Variants in SORL1 observed in about 807,000 individuals in gnomAD.
SORL1 encodes the protein sortilin related receptor 1, also known as sortilin-related receptor.
In SORL1, 127 loss-of-function variants were observed where a neutral mutation model predicts 273.7. That is an observed-to-expected ratio of 0.46 (90% CI 0.40 to 0.54). The LOEUF is 0.54. SORL1 is among the 20% of genes least tolerant of loss of function. The pLI, the probability that SORL1 is intolerant of heterozygous loss-of-function variation, is 0.00. For synonymous variants in SORL1, 1,031 were observed against 1,067.4 expected (o/e 0.97, Z 0.66); for missense variants, 2,494 against 2,846.1 (o/e 0.88, Z 2.81).
At chr11:121,456,223 T>C (rs1214103826) in intron 1 of SORL1, among the ~76,000 whole-genome samples, 1 of 152,174 alleles carries the variant, frequency 6.6e-6, no homozygotes, top group Non-Finnish European at 1.5e-5. Context: ...AAGGAATACC[T>C]CTTGGTATTC....
At chr11:121,620,900 G>C (rs1001952358) in intron 43 of SORL1, among the ~76,000 whole-genome samples, 164 bp from the exon 44 acceptor site, 1 of 152,192 alleles carries the variant, frequency 6.6e-6, no homozygotes, top group African/African-American at 2.4e-5. Flanking sequence ...ATTGGATCTG[G>C]TCACTCCAAA....
intron 19 of SORL1, 114 bp from the exon 20 acceptor site, chr11:121,558,477 T>A: frequency 9.1e-7 from 1 of 1,097,072 alleles, no homozygotes; most frequent in Non-Finnish European, 1.3e-6. Flanking sequence ...ATAATAATGC[T>A]GAAATAACCA....
At chr11:121,480,485 G>A (rs997431974) in intron 3 of SORL1, among the ~76,000 whole-genome samples, 2 of 152,050 alleles carry the variant, frequency 1.3e-5, no homozygotes, top group Admixed American at 6.5e-5. Flanking sequence ...CTCTTGCGGA[G>A]GTTGTGGCCT....
intron 19 of SORL1, 89 bp downstream of exon 19, chr11:121,557,494 C>G: frequency 9.9e-7 from 1 of 1,008,580 alleles, no homozygotes. Flanking sequence ...GACAAAAACT[C>G]TGTTTCTCAT....
intron 3 of SORL1, among the ~76,000 whole-genome samples, chr11:121,485,603 C>G (rs768151287): frequency 6.6e-6 from 1 of 152,136 alleles, no homozygotes; most frequent in African/African-American, 2.4e-5. Context: ...CATTCTATGA[C>G]GGGGTGCGTG....
intron 11 of SORL1, among the ~76,000 whole-genome samples, chr11:121,529,868 T>A (rs1178623645): frequency 6.6e-6 from 1 of 152,246 alleles, no homozygotes; most frequent in Non-Finnish European, 1.5e-5. Context: ...TCATTTCTCC[T>A]ATTTATTATT....
At chr11:121,591,688 G>A (rs899888667) in intron 31 of SORL1, among the ~76,000 whole-genome samples, 7 of 152,184 alleles carry the variant, frequency 4.6e-5, no homozygotes, top group South Asian at 2.1e-4. Flanking sequence ...TTTCGTGTGT[G>A]CTCCTAACAG....
Position 121,569,717 on chromosome 11 carries a change from C to T in SORL1, c.3224-440C>T, listed in dbSNP as rs566695799. On this transcript the variant is annotated intron_variant, in intron 22 of 47. Coordinates refer to ENST00000260197, the MANE Select transcript of SORL1 (RefSeq NM_003105.6). ...AAAACTTCATTAGCAATTTTAATTT[C>T]GCCCCGTCCTGTGGTCCTGTGATCT... Among the ~76,000 whole-genome samples, 17 of 152,298 alleles carry T rather than the reference C, an allele frequency of 1.1e-4. No homozygotes were observed. In the South Asian group the frequency reaches 1.7e-3, roughly 15 times the overall value.
chr11:121,564,933 G>T (rs2134918714), intron 21 of SORL1, among the ~76,000 whole-genome samples: 1 of 152,252 alleles, frequency 6.6e-6, no homozygotes, highest in Non-Finnish European at 1.5e-5. Flanking sequence ...TTGGAACATT[G>T]AGTGATATAT....
At chr11:121,484,250 C>G (rs1369603471) in intron 3 of SORL1, among the ~76,000 whole-genome samples, 2 of 152,118 alleles carry the variant, frequency 1.3e-5, no homozygotes, top group Admixed American at 1.3e-4. Flanking sequence ...AGGGAAGAGT[C>G]TAGAAAGGGA....
chr11:121,493,747 G>C (rs1157454385), intron 5 of SORL1, among the ~76,000 whole-genome samples: 1 of 152,158 alleles, frequency 6.6e-6, no homozygotes, highest in Non-Finnish European at 1.5e-5. Flanking sequence ...TAAGTGTAAT[G>C]GTCCCAGAAG....
chr11:121,522,842 G>C (rs1480504670), intron 10 of SORL1, 74 bp from the exon 11 acceptor site: 1 of 1,445,308 alleles, frequency 6.9e-7, no homozygotes, highest in Non-Finnish European at 9.7e-7. Flanking sequence ...ATACTACGCA[G>C]AATTTCTGGC....
At chr11:121,507,075 GT>G (rs1314851098) in intron 6 of SORL1, among the ~76,000 whole-genome samples, 2 of 152,052 alleles carry the variant, frequency 1.3e-5, no homozygotes, top group Non-Finnish European at 2.9e-5. Context: ...CAAAATCTTT[GT>G]CATTATATAG....
At chr11:121,497,234 G>A (rs1314309051) in intron 6 of SORL1, among the ~76,000 whole-genome samples, 185 bp downstream of exon 6, 1 of 152,208 alleles carries the variant, frequency 6.6e-6, no homozygotes, top group Non-Finnish European at 1.5e-5. Flanking sequence ...GCAGGTGCTA[G>A]GAAGTCAGAG....
intron 4 of SORL1, 146 bp downstream of exon 4, chr11:121,488,339 TACCAGGGCTCA>T (rs928995649): frequency 4.8e-5 from 39 of 816,178 alleles, no homozygotes; most frequent in Non-Finnish European, 6.4e-5. Flanking sequence ...CTATTTCACT[TACCAGGGCTCA>T]AGAAAAATAT....
At chr11:121,559,807 C>A (rs1313083593) in intron 21 of SORL1, 150 bp downstream of exon 21, 1 of 662,040 alleles carries the variant, frequency 1.5e-6, no homozygotes, top group African/African-American at 1.9e-5. Flanking sequence ...CTAATGACAT[C>A]TTAATTTCTT....
At chr11:121,585,173 T>G (rs1863075352) in intron 26 of SORL1, among the ~76,000 whole-genome samples, 1 of 152,250 alleles carries the variant, frequency 6.6e-6, no homozygotes, top group African/African-American at 2.4e-5. Flanking sequence ...TCATTGAAGC[T>G]TTTCTTTTTC....
chr11:121,581,318 A>G (rs1484651583), intron 25 of SORL1, among the ~76,000 whole-genome samples: 4 of 152,210 alleles, frequency 2.6e-5, no homozygotes, highest in African/African-American at 4.8e-5. Context: ...AATGCTTTTA[A>G]TCAGGCATTC....
chr11:121,625,195 G>A lies in SORL1; in HGVS notation c.6282G>A (p.Thr2094=), dbSNP rs112824025. The A allele has an allele frequency of 1.6e-3, 2,602 of 1,613,980 alleles. 32 individuals are homozygous for A. The African/African-American group carries it at 0.025, about 16-fold the overall frequency. The change falls in exon 46 of 48, where the codon ACG becomes ACA. Residue 2094 remains threonine, a synonymous_variant. Coordinates refer to ENST00000260197, the MANE Select transcript of SORL1 (RefSeq NM_003105.6). The part of the protein sequence containing the change: ...ISNLKMGHNY[T]FTVQARCLFG... ...ACCTGAAGATGGGTCATAATTACAC[G>A]TTCACCGTCCAAGCAAGATGCCTTT...
Sources: gnomAD v4.1 joint callset for allele counts (sites outside exome capture counted in the v4.1 genomes callset) on GRCh38, gnomAD v4.1.1 for gene constraint, MANE v1.5 for transcripts, NCBI Gene and HGNC (gene_info 2026-07-23, HGNC 2026-07-21) for gene names.